Variants in CDC42BPG observed in about 807,000 individuals in gnomAD.
CDC42BPG encodes the protein CDC42 binding protein kinase gamma.
In CDC42BPG, 157 loss-of-function variants were observed where a neutral mutation model predicts 192.2. The ratio of observed to expected loss-of-function variants is 0.82; its 90% CI spans 0.72 to 0.93. The LOEUF (loss-of-function observed/expected upper bound fraction) is 0.93. Among genes scored for constraint, CDC42BPG ranks in the 40% least tolerant of loss-of-function variants. The probability of loss-of-function intolerance (pLI) is 0.00; values close to 1 mark genes in which losing one functional copy is unlikely to be tolerated. For synonymous variants in CDC42BPG, 981 were observed against 918.5 expected (o/e 1.07, Z -1.23); for missense variants, 1,992 against 2,122.1 (o/e 0.94, Z 1.20).
rs930891167 is a variant in CDC42BPG at position 64,832,416 on chromosome 11, C to T, written c.3087+12G>A. The stretch of plus-strand genomic sequence containing the variant: ...TGGATGGTGGCTGCTCCATCTCATC[C>T]CAGGCACTCACCCTAAAGATGCGTG... On this transcript the variant is annotated intron_variant, in intron 27 of 36. Coordinates refer to ENST00000342711, the MANE Select transcript of CDC42BPG (RefSeq NM_017525.3). 6.2e-7 allele frequency: 1 copy of T among 1,612,430 alleles called. No homozygotes were observed. Among genetic ancestry groups the T allele is most frequent in the South Asian group, 1.1e-5 (1 of 90,606 alleles).
intron 35 of CDC42BPG, 29 bp downstream of exon 35, chr11:64,826,642 C>T (rs1198386493): frequency 1.3e-6 from 2 of 1,585,318 alleles, no homozygotes; most frequent in Non-Finnish European, 1.7e-6. Flanking sequence ...TGGGGGGTGG[C>T]ACACTGGAGG....
In CDC42BPG at chr11:64,836,719, G is replaced by GGA; in HGVS notation, c.1384+19_1384+20insTC. 1 of 842,262 alleles carries GGA rather than the reference G, an allele frequency of 1.2e-6. No individual in the cohort carries two copies. Among genetic ancestry groups the GGA allele is most frequent in the South Asian group, 1.7e-5 (1 of 57,652 alleles). 52.2% of individuals were successfully genotyped at this position (842,262 alleles called of 1,614,324 possible). On this transcript the variant is annotated intron_variant, in intron 11 of 36. Coordinates refer to ENST00000342711, the MANE Select transcript of CDC42BPG (RefSeq NM_017525.3). ...GGGACTCAGCCCTGGGGGGGGGGGGGGGGTGGGCGGAAGGGATACCTGGCA... is the reference window on the plus strand; with the variant it reads ...GGGACTCAGCCCTGGGGGGGGGGGGGGAGGGTGGGCGGAAGGGATACCTGGCA...
chr11:64,836,051 C>T, intron 13 of CDC42BPG, 66 bp downstream of exon 13: 1 of 1,494,752 alleles, frequency 6.7e-7, no homozygotes, highest in Non-Finnish European at 9.0e-7. Context: ...CCAAGCTCCC[C>T]ATGCTCCCTC....
chr11:64,844,598 TAC>T lies in CDC42BPG; in HGVS notation c.-31_-30del, dbSNP rs1204104982. ...TGCGGCCGGAGCCTCGCTGCTCGGCTACAGTCTGGCCGCCCGCATGCCCGCCT... is the reference window on the plus strand; with the variant it reads ...TGCGGCCGGAGCCTCGCTGCTCGGCTAGTCTGGCCGCCCGCATGCCCGCCT... On this transcript the variant is annotated 5_prime_UTR_variant, in exon 1 of 37. The change abolishes the stop of an existing upstream ORF in the 5' untranslated region. Transcript: ENST00000342711. 15 of 1,246,238 alleles carry T rather than the reference TAC, an allele frequency of 1.2e-5. No individual in the cohort carries two copies. Among genetic ancestry groups the T allele is most frequent in the Non-Finnish European group, 1.5e-5 (15 of 995,094 alleles). 77.2% of individuals were successfully genotyped at this position (1,246,238 alleles called of 1,614,324 possible). A position where few individuals can be genotyped will look rare whatever the true frequency, so the allele number is the denominator to read the frequency against.
intron 36 of CDC42BPG, among the ~76,000 whole-genome samples, chr11:64,826,148 G>A (rs568771092): frequency 1.9e-4 from 29 of 151,344 alleles, no homozygotes; most frequent in Non-Finnish European, 4.0e-4. Flanking sequence ...TGAGCCCTTC[G>A]CAGGTATCAT....
chr11:64,824,433 CCTT>C lies in CDC42BPG; in HGVS notation c.*37_*39del. The C allele has an allele frequency of 7.4e-7, 1 of 1,347,870 alleles. No homozygotes were observed. The highest frequency in any genetic ancestry group is 1.2e-5 in the South Asian group (1 of 86,172). The allele number at this position is 1,347,870 out of a possible 1,614,324, so 83.5% of individuals were successfully genotyped here. ...CCTCAAGCTCTTTGCTCCCTCATGT[CCTT>C]CTGCCCTGGGATTGGGGTGGGCCCT... On this transcript the variant is annotated 3_prime_UTR_variant, in exon 37 of 37. Transcript: ENST00000342711.
chr11:64,834,548 C>T lies in CDC42BPG; in HGVS notation c.2205G>A (p.Gln735=), dbSNP rs1942879972. ...LDHQWKARRL[Q]KMEASARLEL... Reference sequence around the variant, plus strand: ...CCAGCCTGGCCGAGGCCTCCATCTTCTGCAGTCGCCGCGCCTTCCACTGGT... The same window carrying T: ...CCAGCCTGGCCGAGGCCTCCATCTTTTGCAGTCGCCGCGCCTTCCACTGGT... Residue 735 remains glutamine (Q), a synonymous_variant, in exon 19 of 37, where the codon CAG becomes CAA. Coordinates refer to ENST00000342711, the MANE Select transcript of CDC42BPG (RefSeq NM_017525.3). 1.3e-6 allele frequency: 2 copies of T among 1,583,708 alleles called. No individual in the cohort carries two copies. Among genetic ancestry groups the T allele is most frequent in the Non-Finnish European group, 1.7e-6 (2 of 1,161,588 alleles).
Position 64,834,330 on chromosome 11 carries a change from C to A in CDC42BPG, c.2349G>T (p.Gln783His). Residue 783 changes from glutamine (Q) to histidine (H), a missense_variant, in exon 20 of 37, where the codon CAG becomes CAT. Physicochemically the swap from Gln to His is conservative, Grantham distance 24. Transcript: ENST00000342711. Reference sequence around the variant, plus strand: ...CGAGCTCCTGTTGCAGGGCCTGGCTCTGCTTCTCGGCCTCCTGCAGACGGC... The same window carrying A: ...CGAGCTCCTGTTGCAGGGCCTGGCTATGCTTCTCGGCCTCCTGCAGACGGC... ...AERRLQEAEKQSQALQQELAM... is the reference protein window; with the variant it reads ...AERRLQEAEKHSQALQQELAM... 6.3e-7 allele frequency: 1 copy of A among 1,575,044 alleles called. No individual in the cohort carries two copies. The highest frequency in any genetic ancestry group is 8.6e-7 in the Non-Finnish European group (1 of 1,164,520).
rs1222107595 is a variant in CDC42BPG, at chr11:64,835,849, C to T, written c.1671G>A (p.Leu557=). ...LEEARAAQRE[L]EAQVSSLSRQ... is the part of the protein sequence containing the mutation. ...GGCTCAGGGAGGACACCTGGGCCTC[C>T]AGCTGTGAGGGGTGCAGAGGCAGGC... The change falls in exon 14 of 37, where the codon CTG becomes CTA. Residue 557 remains leucine, a splice_region_variant and synonymous_variant. Coordinates refer to ENST00000342711, the MANE Select transcript of CDC42BPG (RefSeq NM_017525.3). The T allele has an allele frequency of 1.2e-6, 2 of 1,610,122 alleles. No homozygotes were observed. Among genetic ancestry groups the T allele is most frequent in the East Asian group, 2.2e-5 (1 of 44,760 alleles).
rs766673687 is a variant in CDC42BPG, at chr11:64,827,261, G to GCGT, written c.4271+14_4271+16dup. On this transcript the variant is annotated intron_variant, in intron 33 of 36. Coordinates refer to ENST00000342711, the MANE Select transcript of CDC42BPG (RefSeq NM_017525.3). Reference sequence around the variant, plus strand: ...GCGGCCCCACCCAGCCTCAGCCCCCGCGTCGTGCACGCGCACCTGCGCTGC... The same window carrying GCGT: ...GCGGCCCCACCCAGCCTCAGCCCCCGCGTCGTCGTGCACGCGCACCTGCGCTGC... 8 of 1,613,188 alleles carry GCGT rather than the reference G, an allele frequency of 5.0e-6. No individual in the cohort carries two copies. Among genetic ancestry groups the GCGT allele is most frequent in the Non-Finnish European group, 6.8e-6 (8 of 1,179,704 alleles).
Position 64,844,551 on chromosome 11 carries a change from C to A in CDC42BPG, c.19G>T (p.Ala7Ser), listed in dbSNP as rs997934028. 66 of 1,285,500 alleles carry A rather than the reference C, an allele frequency of 5.1e-5. No homozygotes were observed. The highest frequency in any genetic ancestry group is 6.1e-5 in the Non-Finnish European group (62 of 1,017,192). The allele number at this position is 1,285,500 out of a possible 1,614,324, so 79.6% of individuals were successfully genotyped here. A position where few individuals can be genotyped will look rare whatever the true frequency, so the allele number is the denominator to read the frequency against. ...TCGCCCCGCGCCAGCTGCTCCAGCG[C>A]GCGCAGCCGCCGCTCCATGGCTGCG... is the stretch of plus-strand genomic sequence containing the variant. MERRLR[A>S]LEQLARGEAG... The change falls in exon 1 of 37, where the codon GCG becomes TCG. Residue 7 changes from alanine to serine, a missense_variant. By Grantham distance (99) the Ala-to-Ser change is moderately conservative. This residue lies in a region of CDC42BPG where 1,656 missense variants were observed against 1,844.3 expected (regional missense o/e 0.90). Transcript: ENST00000342711.
chr11:64,835,681 G>C, intron 14 of CDC42BPG, 60 bp from the exon 15 acceptor site: 3 of 1,593,922 alleles, frequency 1.9e-6, no homozygotes, highest in Non-Finnish European at 2.6e-6. Flanking sequence ...ACCCACCTGG[G>C]ACACAGGCCT....
At chr11:64,832,189 T>C (rs1252344225) in intron 27 of CDC42BPG, among the ~76,000 whole-genome samples, 1 of 152,168 alleles carries the variant, frequency 6.6e-6, no homozygotes, top group African/African-American at 2.4e-5. Flanking sequence ...CTGGGAGGCC[T>C]GCAGGGTCAG....
At chr11:64,826,644 C>A in intron 35 of CDC42BPG, 27 bp downstream of exon 35, 2 of 1,585,874 alleles carry the variant, frequency 1.3e-6, no homozygotes, top group Non-Finnish European at 1.7e-6. Flanking sequence ...GGGGGTGGCA[C>A]ACTGGAGGCT....
At position 64,841,821 on chromosome 11, in the gene CDC42BPG, A is replaced by T; in HGVS notation, c.244T>A (p.Phe82Ile). Reference protein sequence around the residue: ...EILKVIGRGAFGEVTVVRQRD... With the variant: ...EILKVIGRGAIGEVTVVRQRD... Reference sequence around the variant, plus strand: ...CCAGGCCCTTTGCTCACCTCCCCAAAGGCTCCTCGGCCGATCACCTTCAAG... The same window carrying T: ...CCAGGCCCTTTGCTCACCTCCCCAATGGCTCCTCGGCCGATCACCTTCAAG... The change falls in exon 2 of 37, where the codon TTT becomes ATT. Residue 82 changes from phenylalanine (F) to isoleucine (I), a missense_variant. By Grantham distance (21) the Phe-to-Ile change is conservative (BLOSUM62 0). Around this residue, in one of 2 missense-constraint regions of CDC42BPG, gnomAD observed 1,656 missense variants for 1,844.3 expected, o/e 0.90. Transcript: ENST00000342711. The T allele has an allele frequency of 6.2e-7, 1 of 1,613,890 alleles. No individual in the cohort carries two copies.
chr11:64,834,482 C>A lies in CDC42BPG; in HGVS notation c.2271G>T (p.Gln757His). The change falls in exon 19 of 37, where the codon CAG (glutamine) becomes CAT (histidine). Residue 757 changes from glutamine (Q) to histidine (H), a missense_variant. Gln to His is a conservative substitution (Grantham distance 24). Around this residue, in one of 2 missense-constraint regions of CDC42BPG, gnomAD observed 1,656 missense variants for 1,844.3 expected, o/e 0.90. Transcript: ENST00000342711. ...SALEAEIRAK[Q>H]GLQERLTQVQ... ...CCTGTGTCAGCCGCTCCTGCAGGCC[C>A]TGCTTGGCGCGGATCTCGGCCTCCA... The A allele has an allele frequency of 6.4e-7, 1 of 1,572,368 alleles. No homozygotes were observed. The highest frequency in any genetic ancestry group is 2.3e-5 in the East Asian group (1 of 42,584).
intron 12 of CDC42BPG, 26 bp from the exon 13 acceptor site, chr11:64,836,322 G>A (rs1942985074): frequency 2.5e-6 from 4 of 1,608,818 alleles, no homozygotes; most frequent in Non-Finnish European, 2.5e-6. Flanking sequence ...AGGGAGCGGG[G>A]AAGGACAAGG....
rs56393929 is a variant in CDC42BPG, at chr11:64,839,087, C to A, written c.822G>T (p.Thr274=). Residue 274 remains threonine (T), a synonymous_variant, in exon 7 of 37, where the codon ACG becomes ACT. Transcript: ENST00000342711. The part of the protein sequence containing the change: ...VCAYELLFGE[T]PFYAESLVET... ...CCACCAAGGACTCAGCATAGAAGGG[C>A]GTCTCCCCAAAGAGCAGCTCATAGG... The A allele has an allele frequency of 6.2e-7, 1 of 1,613,672 alleles. No individual in the cohort carries two copies.
In CDC42BPG at chr11:64,829,746, A is replaced by G. The variant is rs748586121; in HGVS notation, c.3692T>C (p.Leu1231Pro). The G allele has an allele frequency of 1.1e-5, 17 of 1,607,436 alleles. 1 individual carries two copies. The highest frequency in any genetic ancestry group is 1.2e-5 in the Non-Finnish European group (14 of 1,177,886). Residue 1231 changes from leucine to proline, a missense_variant, in exon 30 of 37, where the codon CTG (leucine) becomes CCG (proline). By Grantham distance (98) the Leu-to-Pro change is moderately conservative. Coordinates refer to ENST00000342711, the MANE Select transcript of CDC42BPG (RefSeq NM_017525.3). ...ELQAPATVQSLGLLGDRLCVG... is the reference protein window; with the variant it reads ...ELQAPATVQSPGLLGDRLCVG... ...ACATAGCCGGTCGCCCAGCAGCCCCAGGCTCTGCACAGTGGCAGGTGCCTG... is the reference window on the plus strand; with the variant it reads ...ACATAGCCGGTCGCCCAGCAGCCCCGGGCTCTGCACAGTGGCAGGTGCCTG...
Sources: gnomAD v4.1 joint callset for allele counts (sites outside exome capture counted in the v4.1 genomes callset) on GRCh38, gnomAD v4.1.1 for gene constraint, gnomAD v4.1.1 regional missense constraint, MANE v1.5 for transcripts, NCBI Gene and HGNC (gene_info 2026-07-23, HGNC 2026-07-21) for gene names.